The following PCDHA8 variants were observed in gnomAD, a reference collection of about 807,000 sequenced individuals.
PCDHA8 encodes the protein protocadherin alpha-8.
Under a neutral mutation model 61.8 loss-of-function variants are expected in PCDHA8, and 53 were observed. The ratio of observed to expected loss-of-function variants is 0.86; its 90% CI spans 0.69 to 1.08. PCDHA8 has a LOEUF of 1.08. Among genes scored for constraint, PCDHA8 ranks in the 50% least tolerant of loss-of-function variants. The pLI is 0.00. For synonymous variants in PCDHA8, 618 were observed against 556.6 expected, an observed-to-expected ratio of 1.11 and a Z score of -1.55; for missense variants, 1,293 against 1,245.0, an observed-to-expected ratio of 1.04 and a Z score of -0.58.
chr5:140,877,700 G>A, intron 1 of PCDHA8: 1 of 1,613,996 alleles, frequency 6.2e-7, no homozygotes, highest in Non-Finnish European at 8.5e-7. Flanking sequence ...GTGTGCTCCA[G>A]CGCCGTGGGG....
rs2150374915 is a variant in PCDHA8 at position 140,844,901 on chromosome 5, G to T, written c.2394+1186G>T. 3.1e-4 allele frequency among the ~76,000 whole-genome samples: 47 copies of T among 149,514 alleles called. 3 individuals are homozygous for T. The highest frequency in any genetic ancestry group is 1.0e-3 in the African/African-American group (41 of 40,888). ...TAGACTTCGTGCATATTGCTTTGGA[G>T]AGAATGGTAGAAATTGATGGAAGGG... On this transcript the variant is annotated intron_variant, in intron 1 of 3. Coordinates refer to ENST00000531613, the MANE Select transcript of PCDHA8 (RefSeq NM_018911.3).
intron 1 of PCDHA8, chr5:140,928,354 A>G: frequency 6.2e-7 from 1 of 1,614,150 alleles, no homozygotes; most frequent in Non-Finnish European, 8.5e-7. Flanking sequence ...GTTGGATGTT[A>G]TCTCTGAAGG....
chr5:140,958,810 G>C (rs2095443726), intron 1 of PCDHA8, among the ~76,000 whole-genome samples: 1 of 151,988 alleles, frequency 6.6e-6, no homozygotes, highest in African/African-American at 2.4e-5. Flanking sequence ...ACACCATTCT[G>C]TTTTAATTTT....
chr5:140,986,236 T>C (rs1213371307), intron 3 of PCDHA8, among the ~76,000 whole-genome samples: 1 of 152,170 alleles, frequency 6.6e-6, no homozygotes. Flanking sequence ...CCCCTCTGTG[T>C]GAGCAGACCC....
Position 140,841,591 on chromosome 5 carries a change from C to A in PCDHA8, c.270C>A (p.Ile90=), listed in dbSNP as rs2150318680. The change falls in exon 1 of 4, where the codon ATC becomes ATA. Residue 90 remains isoleucine, a synonymous_variant. Coordinates refer to ENST00000531613, the MANE Select transcript of PCDHA8 (RefSeq NM_018911.3). The part of the protein sequence containing the change: ...QNGILFVNSR[I]DREELCGRSA... ...GCATTTTGTTTGTGAATTCTCGGAT[C>A]GACCGCGAGGAGCTGTGCGGGCGGA... The A allele has an allele frequency of 3.1e-6, 5 of 1,614,046 alleles. No individual in the cohort carries two copies. In the South Asian group the frequency reaches 5.5e-5, roughly 18 times the overall value.
chr5:140,967,181 T>C (rs782433025), intron 1 of PCDHA8: 4 of 1,613,136 alleles, frequency 2.5e-6, no homozygotes, highest in East Asian at 2.2e-5. Context: ...GGTGGAAATA[T>C]TGGACATCAA....
chr5:140,941,191 T>TTTTTTC (rs1554213809), intron 1 of PCDHA8, among the ~76,000 whole-genome samples: 1 of 93,206 alleles, frequency 1.1e-5, no homozygotes, highest in African/African-American at 3.9e-5. Context: ...GCTTCTTTTT[T>TTTTTTC]TTTCTTTCTT....
At chr5:140,972,500 T>C (rs1554234162) in intron 1 of PCDHA8, among the ~76,000 whole-genome samples, 1 of 152,108 alleles carries the variant, frequency 6.6e-6, no homozygotes, top group Non-Finnish European at 1.5e-5. Flanking sequence ...AATCTGTTGG[T>C]AGATTTTACC....
Position 140,882,245 on chromosome 5 carries a change from G to C in PCDHA8, c.2394+38530G>C, listed in dbSNP as rs376978051. Reference sequence around the variant, plus strand: ...TAAGGCGTTGTATATATTGCAGATAGCTCTGAGGTTTTTGGAGTGTACCAT... The same window carrying C: ...TAAGGCGTTGTATATATTGCAGATACCTCTGAGGTTTTTGGAGTGTACCAT... On this transcript the variant is annotated intron_variant, in intron 1 of 3. Coordinates refer to ENST00000531613, the MANE Select transcript of PCDHA8 (RefSeq NM_018911.3). 82 of 1,592,614 alleles carry C rather than the reference G, an allele frequency of 5.1e-5. No homozygotes were observed. In the African/African-American group the frequency reaches 9.3e-4, roughly 18 times the overall value.
chr5:140,849,506 T>C, intron 1 of PCDHA8: 1 of 1,596,374 alleles, frequency 6.3e-7, no homozygotes, highest in African/African-American at 1.4e-5. Context: ...GTACACTTCT[T>C]GTGGAAGTTG....
chr5:140,969,371 T>C (rs2096324872), intron 1 of PCDHA8: 1 of 1,607,688 alleles, frequency 6.2e-7, no homozygotes, highest in Non-Finnish European at 8.5e-7. Context: ...AACTCATGCA[T>C]TTGTTACACA....
chr5:140,990,694 C>T (rs549554926), intron 3 of PCDHA8, among the ~76,000 whole-genome samples: 10 of 152,108 alleles, frequency 6.6e-5, no homozygotes, highest in Non-Finnish European at 1.5e-4. Context: ...TCGGAGAGTC[C>T]AGATTTATGG....
chr5:140,990,898 G>A (rs1408537294), intron 3 of PCDHA8, among the ~76,000 whole-genome samples: 3 of 152,146 alleles, frequency 2.0e-5, no homozygotes, highest in Non-Finnish European at 4.4e-5. Context: ...GGTCGTTGCT[G>A]GGTCAAGTTT....
chr5:140,884,440 G>C (rs1554181563), intron 1 of PCDHA8: 5 of 1,613,830 alleles, frequency 3.1e-6, no homozygotes, highest in Non-Finnish European at 2.5e-6. Context: ...TGCGGTGCTC[G>C]GCACCGCCCA....
intron 1 of PCDHA8, among the ~76,000 whole-genome samples, chr5:140,945,356 G>A (rs1294877669): frequency 1.1e-4 from 16 of 151,976 alleles, no homozygotes; most frequent in Non-Finnish European, 1.9e-4. Flanking sequence ...AATTAATACT[G>A]TTTAAAATGT....
At chr5:140,941,412 G>A (rs246068) in intron 1 of PCDHA8, among the ~76,000 whole-genome samples, 46,949 of 148,492 alleles carry the variant, frequency 0.32, 7,794 homozygotes, top group East Asian at 0.53. Context: ...CGCCTCCCGG[G>A]TTCAAGCAAT....
At chr5:140,903,845 C>T (rs2070659171) in intron 1 of PCDHA8, among the ~76,000 whole-genome samples, 1 of 152,006 alleles carries the variant, frequency 6.6e-6, no homozygotes, top group Admixed American at 6.6e-5. Context: ...TTTCATTTAT[C>T]TTAACAAATA....
At chr5:140,877,724 C>A in intron 1 of PCDHA8, 1 of 1,614,150 alleles carries the variant, frequency 6.2e-7, no homozygotes, top group Non-Finnish European at 8.5e-7. Context: ...TGGTCTTACT[C>A]GCAGCAGAGG....
chr5:140,858,574 T>C (rs1415497561), intron 1 of PCDHA8: 12 of 1,357,674 alleles, frequency 8.8e-6, no homozygotes, highest in Non-Finnish European at 1.0e-5. Context: ...GTGATACCTT[T>C]GTAATATAAT....
Sources: allele counts gnomAD v4.1 joint callset (sites outside exome capture counted in the v4.1 genomes callset), GRCh38; gene constraint gnomAD v4.1.1; transcripts MANE v1.5; gene names NCBI Gene and HGNC (gene_info 2026-07-23, HGNC 2026-07-21).